EMCN: variants seen among roughly 807,000 people sequenced by gnomAD.
EMCN encodes the protein MUC-14.
A neutral mutation model predicts 38.4 loss-of-function variants in EMCN; 37 were observed. That is an observed-to-expected ratio of 0.96 (90% confidence interval 0.74 to 1.27). The LOEUF (loss-of-function observed/expected upper bound fraction) is 1.27. Among genes scored for constraint, EMCN ranks in the 50% most tolerant of loss-of-function variants. The pLI, the probability that EMCN is intolerant of heterozygous loss-of-function variation, is 0.00. For synonymous variants in EMCN, 95 were observed against 100.8 expected (o/e 0.94, Z 0.35); for missense variants, 318 against 302.8 (o/e 1.05, Z -0.37).
intron 1 of EMCN, among the ~76,000 whole-genome samples, chr4:100,509,255 T>C (rs777432407): frequency 4.6e-5 from 7 of 152,138 alleles, no homozygotes; most frequent in Non-Finnish European, 8.8e-5. Flanking sequence ...AATTTTAAAC[T>C]TTAATTGATA....
chr4:100,518,019 A>G lies in EMCN; in HGVS notation c.-105T>C. The G allele has an allele frequency of 2.8e-6, 3 of 1,073,348 alleles. No homozygotes were observed. The highest frequency in any genetic ancestry group is 4.3e-6 in the Non-Finnish European group (3 of 692,708). 66.5% of individuals were successfully genotyped at this position (1,073,348 alleles called of 1,614,324 possible). On this transcript the variant is annotated 5_prime_UTR_variant, in exon 1 of 12. Coordinates refer to ENST00000296420, the MANE Select transcript of EMCN (RefSeq NM_016242.4). ...TTAGCAAATGGAAAAGGTGTAGTGA[A>G]TGTGAATAGCCACTGCCCATTCCTA...
intron 4 of EMCN, among the ~76,000 whole-genome samples, chr4:100,452,149 C>T (rs1727855330): frequency 6.6e-6 from 1 of 151,954 alleles, no homozygotes; most frequent in African/African-American, 2.4e-5. Context: ...GTGTTGGTCA[C>T]TCTCATGTCC....
At chr4:100,429,861 G>C (rs1289126837) in intron 5 of EMCN, among the ~76,000 whole-genome samples, 1 of 152,096 alleles carries the variant, frequency 6.6e-6, no homozygotes, top group Non-Finnish European at 1.5e-5. Flanking sequence ...GGCTCAGAGA[G>C]ATAAGGTAAT....
chr4:100,482,403 A>G lies in EMCN; in HGVS notation c.65-2364T>C, dbSNP rs1031729289. 2.0e-5 allele frequency among the ~76,000 whole-genome samples: 3 copies of G among 152,114 alleles called. No homozygotes were observed. The East Asian group carries it at 5.8e-4, about 29-fold the overall frequency. On this transcript the variant is annotated intron_variant, in intron 1 of 11. Coordinates refer to ENST00000296420, the MANE Select transcript of EMCN (RefSeq NM_016242.4). The stretch of plus-strand genomic sequence containing the variant: ...AAATTTGAAAGCTGCTGGACAAACA[A>G]TAAATTGGAAAAGACTTTATAAGAT...
chr4:100,473,373 G>GTTTTTTTTTTTTTTTTTTTTTTT (rs1256284835), intron 3 of EMCN, among the ~76,000 whole-genome samples: 20 of 65,980 alleles, frequency 3.0e-4, no homozygotes, highest in Non-Finnish European at 4.8e-4. Context: ...GTGTTTTTTT[G>GTTTTTTTTTTTTTTTTTTTTTTT]TTTTTTTTTT....
chr4:100,402,350 C>T (rs1278231873), intron 11 of EMCN, among the ~76,000 whole-genome samples: 1 of 152,094 alleles, frequency 6.6e-6, no homozygotes, highest in Non-Finnish European at 1.5e-5. Flanking sequence ...TTCTGTATTA[C>T]TGTTTGCTGT....
intron 5 of EMCN, among the ~76,000 whole-genome samples, chr4:100,437,465 A>AAG (rs1311913352): frequency 6.6e-6 from 1 of 151,382 alleles, no homozygotes; most frequent in Non-Finnish European, 1.5e-5. Flanking sequence ...TGATATAAAA[A>AAG]AAAAATCATT....
intron 2 of EMCN, among the ~76,000 whole-genome samples, chr4:100,478,254 C>T (rs1010067441): frequency 6.6e-6 from 1 of 152,174 alleles, no homozygotes; most frequent in Admixed American, 6.5e-5. Context: ...CTTTATCTCT[C>T]TTCCACCTCG....
intron 8 of EMCN, 144 bp downstream of exon 8, chr4:100,421,138 C>T: frequency 1.3e-6 from 1 of 744,360 alleles, no homozygotes. Context: ...GTGTCTGTGC[C>T]CTTCGTCCTT....
At chr4:100,404,928 G>C (rs1726353154) in intron 11 of EMCN, among the ~76,000 whole-genome samples, 2 of 151,626 alleles carry the variant, frequency 1.3e-5, no homozygotes, top group Non-Finnish European at 2.9e-5. Flanking sequence ...GAGCTCTTTT[G>C]TCTTCCAGGT....
At chr4:100,515,786 G>T (rs1172290578) in intron 1 of EMCN, among the ~76,000 whole-genome samples, 1 of 151,934 alleles carries the variant, frequency 6.6e-6, no homozygotes, top group Non-Finnish European at 1.5e-5. Context: ...GAAAAATAAA[G>T]GTACTCAGTC....
chr4:100,431,721 ATC>A (rs147413558), intron 5 of EMCN, among the ~76,000 whole-genome samples: 26 of 150,210 alleles, frequency 1.7e-4, no homozygotes, highest in Non-Finnish European at 3.7e-4. Flanking sequence ...CTTACAATAC[ATC>A]TCTCTCTCTC....
intron 8 of EMCN, among the ~76,000 whole-genome samples, chr4:100,418,118 G>A (rs1446469253): frequency 6.6e-6 from 1 of 152,084 alleles, no homozygotes; most frequent in African/African-American, 2.4e-5. Flanking sequence ...TTAACCCATG[G>A]CACCATATGC....
intron 5 of EMCN, among the ~76,000 whole-genome samples, chr4:100,428,593 G>A (rs976878481): frequency 6.6e-6 from 1 of 152,138 alleles, no homozygotes; most frequent in African/African-American, 2.4e-5. Flanking sequence ...TGTTATAACA[G>A]TGTCTGGAAG....
Position 100,517,915 on chromosome 4 carries a change from G to T in EMCN, c.-1C>A. 2 of 1,612,550 alleles carry T rather than the reference G, an allele frequency of 1.2e-6. No individual in the cohort carries two copies. Among genetic ancestry groups the T allele is most frequent in the East Asian group, 4.5e-5 (2 of 44,838 alleles). On this transcript the variant is annotated 5_prime_UTR_variant, in exon 1 of 12. Transcript: ENST00000296420. ...GAATGGTCACTTGAAGCAGTTCCAT[G>T]GTGCCCGTAGATGGTGTCAATATCT... is the stretch of plus-strand genomic sequence containing the variant.
At chr4:100,415,730 G>A (rs56234545) in intron 10 of EMCN, among the ~76,000 whole-genome samples, 168 bp downstream of exon 10, 12,819 of 152,092 alleles carry the variant, frequency 0.084, 955 homozygotes, top group African/African-American at 0.2. Context: ...TATCAAATTG[G>A]TAAGATTTTT....
At chr4:100,468,928 T>C (rs1728397739) in intron 3 of EMCN, among the ~76,000 whole-genome samples, 1 of 151,716 alleles carries the variant, frequency 6.6e-6, no homozygotes, top group South Asian at 2.1e-4. Flanking sequence ...AGCAAAACAA[T>C]CTTGAGAAAG....
intron 1 of EMCN, among the ~76,000 whole-genome samples, chr4:100,502,923 T>A (rs1203332060): frequency 6.6e-6 from 1 of 152,190 alleles, no homozygotes; most frequent in African/African-American, 2.4e-5. Flanking sequence ...TAATATAATC[T>A]CAATTTGATA....
chr4:100,494,916 C>G (rs921132386), intron 1 of EMCN, among the ~76,000 whole-genome samples: 5 of 151,888 alleles, frequency 3.3e-5, no homozygotes, highest in African/African-American at 9.7e-5. Flanking sequence ...ATATAAACCT[C>G]CCATCACCTA....
Sources: gnomAD v4.1 joint callset for allele counts (sites outside exome capture counted in the v4.1 genomes callset) on GRCh38, gnomAD v4.1.1 for gene constraint, MANE v1.5 for transcripts, NCBI Gene and HGNC (gene_info 2026-07-23, HGNC 2026-07-21) for gene names.